Variants in PCDHGA4 observed in about 807,000 individuals in gnomAD.
PCDHGA4 encodes the protein protocadherin gamma-A4.
PCDHGA4 carries 38 observed loss-of-function variants against 54.6 expected under a neutral mutation model. The ratio of observed to expected loss-of-function variants is 0.70; its 90% confidence interval spans 0.54 to 0.91. The LOEUF is 0.91. Ranked by LOEUF, PCDHGA4 falls within the 40% of genes least tolerant of loss-of-function variation. The pLI is 0.00. For missense variants in PCDHGA4, 1,298 were observed against 1,220.9 expected (o/e 1.06, Z -0.94); for synonymous variants, 511 against 512.9 (o/e 1.00, Z 0.05).
chr5:141,481,724 C>T (rs1301509633), intron 1 of PCDHGA4, among the ~76,000 whole-genome samples: 2 of 151,882 alleles, frequency 1.3e-5, no homozygotes. Context: ...GAGGCGGAGG[C>T]GGGCGGATCA....
In PCDHGA4 at chr5:141,432,296, G is replaced by T; in HGVS notation, c.2515-62511G>T. On this transcript the variant is annotated intron_variant, in intron 1 of 3. Coordinates refer to ENST00000571252, the MANE Select transcript of PCDHGA4 (RefSeq NM_018917.4). This position sits in a 1 kb window ranked among gnomAD's most constrained non-coding sequence, Gnocchi z 6.0. ...CGTGTCCATCAACTCCGACACTGGG[G>T]TACTGTATGCGCTGAGCTCCTTCGA... 1 of 1,614,224 alleles carries T rather than the reference G, an allele frequency of 6.2e-7. No individual in the cohort carries two copies. Among genetic ancestry groups the T allele is most frequent in the Non-Finnish European group, 8.5e-7 (1 of 1,180,044 alleles).
chr5:141,399,091 G>A (rs1299050213), intron 1 of PCDHGA4: 2 of 1,613,762 alleles, frequency 1.2e-6, no homozygotes, highest in South Asian at 1.1e-5. Context: ...GGATGGTGGT[G>A]GACTGGTTGC....
At chr5:141,369,769 T>C (rs1398107902) in intron 1 of PCDHGA4, among the ~76,000 whole-genome samples, 2 of 152,248 alleles carry the variant, frequency 1.3e-5, no homozygotes, top group African/African-American at 2.4e-5. Context: ...GTGAAGCTGA[T>C]ATTTCAAGCC....
chr5:141,502,514 T>A (rs2099814743), intron 2 of PCDHGA4, among the ~76,000 whole-genome samples: 1 of 152,202 alleles, frequency 6.6e-6, no homozygotes, highest in African/African-American at 2.4e-5. Flanking sequence ...TGTCCCACTA[T>A]CAGTGATGCC....
chr5:141,467,554 T>A (rs2099145880), intron 1 of PCDHGA4, among the ~76,000 whole-genome samples: 1 of 152,238 alleles, frequency 6.6e-6, no homozygotes. Flanking sequence ...TATATCTTTT[T>A]TCCCAAATGG....
rs767656951 is a variant in PCDHGA4, at chr5:141,356,862, C to A, written c.1755C>A (p.Asp585Glu). The change falls in exon 1 of 4, where the codon GAC (aspartate) becomes GAA (glutamate). Residue 585 changes from aspartate (D) to glutamate (E), a missense_variant. Asp to Glu is a conservative substitution (Grantham distance 45). Coordinates refer to ENST00000571252, the MANE Select transcript of PCDHGA4 (RefSeq NM_018917.4). Reference protein sequence around the residue: ...SNVSLSLFVLDQNDNVPEILY... With the variant: ...SNVSLSLFVLEQNDNVPEILY... ...TGTCACTGAGCCTCTTTGTGCTGGA[C>A]CAGAACGACAATGTCCCTGAGATCC... is the stretch of plus-strand genomic sequence containing the variant. 6.2e-7 allele frequency: 1 copy of A among 1,614,204 alleles called. No homozygotes were observed. The highest frequency in any genetic ancestry group is 1.7e-5 in the Admixed American group (1 of 60,028).
chr5:141,380,249 A>G (rs758616884), intron 1 of PCDHGA4, among the ~76,000 whole-genome samples: 1 of 152,198 alleles, frequency 6.6e-6, no homozygotes, highest in African/African-American at 2.4e-5. Flanking sequence ...GCAATTGTCA[A>G]AGGGGAAGGA....
rs1277093940 is a variant in PCDHGA4 at position 141,355,979 on chromosome 5, G to A, written c.872G>A (p.Arg291Gln). 1.7e-5 allele frequency: 28 copies of A among 1,613,680 alleles called. No homozygotes were observed. Among genetic ancestry groups the A allele is most frequent in the Non-Finnish European group, 2.1e-5 (25 of 1,179,888 alleles). The change falls in exon 1 of 4, where the codon CGG (arginine) becomes CAG (glutamine). Residue 291 changes from arginine (R) to glutamine (Q), a missense_variant. Physicochemically the swap from Arg to Gln is conservative, Grantham distance 43. Coordinates refer to ENST00000571252, the MANE Select transcript of PCDHGA4 (RefSeq NM_018917.4). ...SVRENVPVGT[R>Q]LLTVKATDPD... ...CGTGAGAACGTTCCTGTAGGCACTC[G>A]GCTACTCACCGTAAAAGCCACTGAT... is the stretch of plus-strand genomic sequence containing the variant.
intron 1 of PCDHGA4, chr5:141,417,960 G>T (rs2096199953): frequency 1.2e-6 from 2 of 1,613,624 alleles, no homozygotes; most frequent in African/African-American, 1.3e-5. Context: ...GAGCCGATCC[G>T]CTACTCGATT....
chr5:141,355,840 G>T lies in PCDHGA4; in HGVS notation c.733G>T (p.Ala245Ser), dbSNP rs1760009491. 1 of 1,612,168 alleles carries T rather than the reference G, an allele frequency of 6.2e-7. No individual in the cohort carries two copies. The highest frequency in any genetic ancestry group is 2.2e-5 in the East Asian group (1 of 44,830). Residue 245 changes from alanine to serine, a missense_variant, in exon 1 of 4, where the codon GCC (alanine) becomes TCC (serine). Coordinates refer to ENST00000571252, the MANE Select transcript of PCDHGA4 (RefSeq NM_018917.4). ...EEAVHHLVLT[A>S]FDGGDPVRSG... Reference sequence around the variant, plus strand: ...GGCGGTTCACCACCTCGTTCTCACGGCCTTCGATGGAGGTGACCCGGTTCG... The same window carrying T: ...GGCGGTTCACCACCTCGTTCTCACGTCCTTCGATGGAGGTGACCCGGTTCG...
intron 1 of PCDHGA4, chr5:141,393,579 C>A: frequency 6.2e-7 from 1 of 1,613,888 alleles, no homozygotes; most frequent in South Asian, 1.1e-5. Flanking sequence ...TGAGAACATG[C>A]CCCCAGGCAC....
intron 1 of PCDHGA4, chr5:141,412,460 G>C (rs2095557510): frequency 1.3e-5 from 2 of 152,244 alleles, no homozygotes; most frequent in South Asian, 4.1e-4. Flanking sequence ...AACTATTCTA[G>C]AAGAGTACTT....
Position 141,376,767 on chromosome 5 carries a change from A to G in PCDHGA4, c.2514+19146A>G. The G allele has an allele frequency of 7.0e-6, 3 of 425,754 alleles. No individual in the cohort carries two copies. The South Asian group carries it at 8.7e-5, about 12-fold the overall frequency. 26.4% of individuals were successfully genotyped at this position (425,754 alleles called of 1,614,324 possible). On this transcript the variant is annotated intron_variant, in intron 1 of 3. Coordinates refer to ENST00000571252, the MANE Select transcript of PCDHGA4 (RefSeq NM_018917.4). The stretch of plus-strand genomic sequence containing the variant: ...AGTGGCGCAATCTCGGCTCACTGCA[A>G]GCTCCGCTTCCCGGGTTCACGCCAT...
intron 1 of PCDHGA4, chr5:141,392,356 G>A (rs970397239): frequency 6.6e-6 from 1 of 152,614 alleles, no homozygotes; most frequent in Admixed American, 6.5e-5. Flanking sequence ...TTAATCCGAT[G>A]CTACAATCTG....
Position 141,484,782 on chromosome 5 carries a change from C to A in PCDHGA4, c.2515-10025C>A, listed in dbSNP as rs572593816. 2.0e-5 allele frequency among the ~76,000 whole-genome samples: 3 copies of A among 152,066 alleles called. No homozygotes were observed. In the South Asian group the frequency reaches 6.3e-4, roughly 32 times the overall value. On this transcript the variant is annotated intron_variant, in intron 1 of 3. Transcript: ENST00000571252. Reference sequence around the variant, plus strand: ...TATATATATGTTGTCTGCCTCCCCACAGAGATAACAACCCGTGGAAAAACA... The same window carrying A: ...TATATATATGTTGTCTGCCTCCCCAAAGAGATAACAACCCGTGGAAAAACA...
chr5:141,355,540 G>C lies in PCDHGA4; in HGVS notation c.433G>C (p.Val145Leu), dbSNP rs1357425110. The change falls in exon 1 of 4, where the codon GTG becomes CTG. Residue 145 changes from valine to leucine, a missense_variant. By Grantham distance (32) the Val-to-Leu change is conservative. Transcript: ENST00000571252. ...TNLEILLEDT[V>L]KILRVEVEII... ...CCTGGAGATTCTTCTAGAAGATACA[G>C]TGAAGATTTTGCGGGTAGAGGTGGA... 6.2e-7 allele frequency: 1 copy of C among 1,613,966 alleles called. No individual in the cohort carries two copies. Among genetic ancestry groups the C allele is most frequent in the Non-Finnish European group, 8.5e-7 (1 of 1,179,916 alleles).
chr5:141,391,155 T>C (rs2092309201), intron 1 of PCDHGA4: 1 of 152,250 alleles, frequency 6.6e-6, no homozygotes, highest in Non-Finnish European at 1.5e-5. Context: ...GAAAGAAATA[T>C]AGTCTTGAAA....
chr5:141,389,223 G>T, intron 1 of PCDHGA4: 3 of 1,613,994 alleles, frequency 1.9e-6, no homozygotes, highest in East Asian at 2.2e-5. Flanking sequence ...AAATGACAAC[G>T]CTCCGGTTTT....
intron 1 of PCDHGA4, chr5:141,416,482 A>G (rs1009921478): frequency 6.6e-6 from 1 of 152,210 alleles, no homozygotes; most frequent in East Asian, 1.9e-4. Context: ...TGTTCCCGAG[A>G]ACAGGAGCAA....
Sources: gnomAD v4.1 joint callset for allele counts (sites outside exome capture counted in the v4.1 genomes callset) on GRCh38, gnomAD v4.1.1 for gene constraint, Gnocchi (gnomAD v3.1) non-coding constraint, MANE v1.5 for transcripts, NCBI Gene and HGNC (gene_info 2026-07-23, HGNC 2026-07-21) for gene names.